ORMDL1: variants seen among roughly 807,000 people sequenced by gnomAD.
ORMDL1 encodes ORMDL sphingolipid biosynthesis regulator 1.
In ORMDL1, 10 loss-of-function variants were observed where a neutral mutation model predicts 13.0. The observed-to-expected ratio is 0.77, with a 90% CI of 0.47 to 1.30. ORMDL1 has a LOEUF of 1.30. Among genes scored for constraint, ORMDL1 ranks in the 50% most tolerant of loss-of-function variants. ORMDL1 has a pLI of 0.00. For missense variants in ORMDL1, 171 were observed against 186.7 expected (o/e 0.92, Z 0.49); for synonymous variants, 61 against 63.9 (o/e 0.95, Z 0.22).
chr2:189,771,708 C>T lies in ORMDL1; in HGVS notation c.*59G>A. The stretch of plus-strand genomic sequence containing the variant: ...CACAGAAACAGTGCAGTTTACTAAC[C>T]ACTCCTTCCTTATAAGAAATTCAGT... On this transcript the variant is annotated 3_prime_UTR_variant, in exon 5 of 5. Transcript: ENST00000392349. The T allele has an allele frequency of 7.0e-7, 1 of 1,432,428 alleles. No individual in the cohort carries two copies. Among genetic ancestry groups the T allele is most frequent in the Admixed American group, 2.2e-5 (1 of 45,974 alleles). 88.7% of individuals were successfully genotyped at this position (1,432,428 alleles called of 1,614,324 possible).
intron 3 of ORMDL1, among the ~76,000 whole-genome samples, chr2:189,777,476 C>T (rs1181863989): frequency 6.6e-6 from 1 of 152,160 alleles, no homozygotes; most frequent in Admixed American, 6.5e-5. Context: ...TCATTATTTC[C>T]TTCAAACCAT....
chr2:189,770,204 T>TTAA (rs1396090489), downstream of ORMDL1: 1 of 152,190 alleles, frequency 6.6e-6, no homozygotes, highest in Non-Finnish European at 1.5e-5. Context: ...GAGAGGAACT[T>TTAA]TAAAATAAAG....
At chr2:189,768,108 TAA>T (rs1258954291), downstream of ORMDL1, among the ~76,000 whole-genome samples, 7 of 152,316 alleles carry the variant, frequency 4.6e-5, no homozygotes, top group Admixed American at 6.5e-5. Flanking sequence ...GGCAGTAAAA[TAA>T]AAATGTGATA....
chr2:189,767,979 T>G (rs2047510280), downstream of ORMDL1, among the ~76,000 whole-genome samples: 1 of 152,244 alleles, frequency 6.6e-6, no homozygotes, highest in Non-Finnish European at 1.5e-5. Flanking sequence ...CATTCAGGAT[T>G]CTGACTTTGA....
chr2:189,775,444 G>A (rs988508130), intron 4 of ORMDL1, 121 bp downstream of exon 4: 8 of 1,056,454 alleles, frequency 7.6e-6, no homozygotes, highest in African/African-American at 3.3e-5. Context: ...TGTTCTATCC[G>A]AGGTGCTACT....
intron 4 of ORMDL1, among the ~76,000 whole-genome samples, chr2:189,773,736 ATT>A (rs2047631458): frequency 1.3e-5 from 2 of 151,276 alleles, no homozygotes; most frequent in Non-Finnish European, 2.9e-5. Context: ...AAAAAAAAAA[ATT>A]CTGGAATAAC....
chr2:189,768,858 A>G (rs1426362819), downstream of ORMDL1, among the ~76,000 whole-genome samples: 1 of 152,236 alleles, frequency 6.6e-6, no homozygotes, highest in East Asian at 1.9e-4. Flanking sequence ...AAACCATATC[A>G]TATGGAAAAT....
At chr2:189,765,636 T>C (rs2047468117), downstream of ORMDL1, 3 of 152,196 alleles carry the variant, frequency 2.0e-5, no homozygotes, top group South Asian at 4.1e-4. Context: ...CTTCCTTGTA[T>C]TGACCAAATT....
At position 189,771,916 on chromosome 2, in the gene ORMDL1, A is replaced by G. The variant is rs758467141; in HGVS notation, c.327-14T>C. 1.0e-5 allele frequency: 16 copies of G among 1,544,852 alleles called. No individual in the cohort carries two copies. In the Admixed American group the frequency reaches 3.1e-4, roughly 30 times the overall value. ...GCCAGAAAATATCTGTAGAGATAAA[A>G]GTTAAGAATATATATAACATCCAAA... On this transcript the variant is annotated splice_polypyrimidine_tract_variant and intron_variant, in intron 4 of 4. Coordinates refer to ENST00000392349, the MANE Select transcript of ORMDL1 (RefSeq NM_016467.5).
In ORMDL1 at chr2:189,775,477, AAT is replaced by A. The variant is rs750067249; in HGVS notation, c.326+86_326+87del. ...ACTTATTGATAGAAGTTTGCAACAA[AAT>A]ATGTTTCTAATTCCAATTCAATCTG... On this transcript the variant is annotated intron_variant, in intron 4 of 4. Transcript: ENST00000392349. 8.0e-5 allele frequency: 111 copies of A among 1,382,486 alleles called. No individual in the cohort carries two copies. In the East Asian group the frequency reaches 1.9e-3, roughly 24 times the overall value. The allele number at this position is 1,382,486 out of a possible 1,614,324, so 85.6% of individuals were successfully genotyped here. A position where few individuals can be genotyped will look rare whatever the true frequency, so the allele number is the denominator to read the frequency against.
chr2:189,782,484 G>GT lies in ORMDL1; in HGVS notation c.111dup (p.Leu38ThrfsTer20). On this transcript the variant is annotated frameshift_variant, in exon 3 of 5. Coordinates refer to ENST00000392349, the MANE Select transcript of ORMDL1 (RefSeq NM_016467.5). LOFTEE classifies it high-confidence loss of function. Reference sequence around the variant, plus strand: ...GGAACACTGAAGAAGGGAATGCTGAGTAAGACAATATGAAGCAAGCCAACT... The same window carrying GT: ...GGAACACTGAAGAAGGGAATGCTGAGTTAAGACAATATGAAGCAAGCCAACT... 1.2e-6 allele frequency: 2 copies of GT among 1,614,162 alleles called. No individual in the cohort carries two copies. Among genetic ancestry groups the GT allele is most frequent in the Non-Finnish European group, 1.7e-6 (2 of 1,180,008 alleles).
chr2:189,770,111 T>C (rs571480044), downstream of ORMDL1, among the ~76,000 whole-genome samples: 49 of 152,246 alleles, frequency 3.2e-4, no homozygotes, highest in South Asian at 5.0e-3. Flanking sequence ...TTTTAAAACA[T>C]TGACGGGAGA....
chr2:189,769,394 C>A (rs1282007718), downstream of ORMDL1, among the ~76,000 whole-genome samples: 2 of 148,756 alleles, frequency 1.3e-5, no homozygotes, highest in South Asian at 2.1e-4. Flanking sequence ...CCAGCCATCT[C>A]AAAAAAAAAA....
At position 189,775,747 on chromosome 2, in the gene ORMDL1, C is replaced by T. The variant is rs1298558826; in HGVS notation, c.175-31G>A. ...AAACAAGCAAGGGGTTATAAATGATCAATATTAAATACAAAATTAGTCTTT... is the reference window on the plus strand; with the variant it reads ...AAACAAGCAAGGGGTTATAAATGATTAATATTAAATACAAAATTAGTCTTT... On this transcript the variant is annotated intron_variant, in intron 3 of 4. Coordinates refer to ENST00000392349, the MANE Select transcript of ORMDL1 (RefSeq NM_016467.5). The T allele has an allele frequency of 2.5e-6, 4 of 1,600,112 alleles. No homozygotes were observed. In the South Asian group the frequency reaches 4.5e-5, roughly 18 times the overall value.
chr2:189,769,417 G>C (rs1458233094), downstream of ORMDL1, among the ~76,000 whole-genome samples: 1 of 151,972 alleles, frequency 6.6e-6, no homozygotes, highest in African/African-American at 2.4e-5. Flanking sequence ...TTAAGGCAGG[G>C]GGTTGAATTA....
chr2:189,775,628 T>G lies in ORMDL1; in HGVS notation c.263A>C (p.Gln88Pro). The G allele has an allele frequency of 6.2e-7, 1 of 1,614,040 alleles. No homozygotes were observed. Among genetic ancestry groups the G allele is most frequent in the South Asian group, 1.1e-5 (1 of 91,078 alleles). The change falls in exon 4 of 5, where the codon CAA (glutamine) becomes CCA (proline). Residue 88 changes from glutamine to proline, a missense_variant. Coordinates refer to ENST00000392349, the MANE Select transcript of ORMDL1 (RefSeq NM_016467.5). ...GKARLLTHWE[Q>P]LDYGVQFTSS... is the part of the protein sequence containing the mutation. ...TGTAAACTGTACTCCATAGTCCAGT[T>G]GTTCCCAATGAGTTAGGAGCCTTGC...
chr2:189,783,470 C>T (rs2047948166), intron 1 of ORMDL1: 1 of 152,180 alleles, frequency 6.6e-6, no homozygotes, highest in Admixed American at 6.5e-5. Context: ...TTAAAATACA[C>T]AAACGCTTGT....
downstream of ORMDL1, among the ~76,000 whole-genome samples, chr2:189,767,063 C>G (rs1056654825): frequency 1.3e-5 from 2 of 152,214 alleles, no homozygotes; most frequent in African/African-American, 2.4e-5. Flanking sequence ...CTGCTGTGAA[C>G]ATAGATGTAC....
intron 1 of ORMDL1, among the ~76,000 whole-genome samples, chr2:189,783,882 G>A (rs912128832): frequency 6.6e-6 from 1 of 152,182 alleles, no homozygotes; most frequent in Non-Finnish European, 1.5e-5. Context: ...TACAGACCGT[G>A]AAGAGGCTGT....
Sources: allele counts gnomAD v4.1 joint callset (sites outside exome capture counted in the v4.1 genomes callset), GRCh38; gene constraint gnomAD v4.1.1; transcripts MANE v1.5; gene names NCBI Gene and HGNC (gene_info 2026-07-23, HGNC 2026-07-21).